SOX6: variants seen among roughly 807,000 people sequenced by gnomAD.
SOX6 encodes the protein transcription factor SOX-6.
A neutral mutation model predicts 97.8 loss-of-function variants in SOX6; 11 were observed. The ratio of observed to expected loss-of-function variants is 0.11; its 90% CI spans 0.07 to 0.19. The LOEUF is 0.19. Ranked by LOEUF, SOX6 falls within the 10% of genes least tolerant of loss-of-function variation. The probability of loss-of-function intolerance (pLI) is 1.00; values close to 1 mark genes in which losing one functional copy is unlikely to be tolerated. For synonymous variants in SOX6, 360 were observed against 371.4 expected, an observed-to-expected ratio of 0.97 and a Z score of 0.35; for missense variants, 810 against 1,039.5, an observed-to-expected ratio of 0.78 and a Z score of 3.04.
chr11:16,738,268 G>A (rs1052256692), intron 1 of SOX6: 1 of 156,030 alleles, frequency 6.4e-6, no homozygotes, highest in Non-Finnish European at 1.4e-5. Flanking sequence ...CTGGGTGGAG[G>A]GTATTCGTGA....
intron 1 of SOX6, among the ~76,000 whole-genome samples, chr11:16,355,861 T>C (rs1038086562): frequency 3.3e-5 from 5 of 152,044 alleles, no homozygotes; most frequent in Admixed American, 2.6e-4. Flanking sequence ...GTATGCATAT[T>C]CAACCCTCAG....
chr11:16,336,656 T>G (rs1160959525), intron 2 of SOX6, among the ~76,000 whole-genome samples: 1 of 152,152 alleles, frequency 6.6e-6, no homozygotes, highest in Admixed American at 6.6e-5. Flanking sequence ...CTCCCTTGCT[T>G]AAAATTTTCC....
In SOX6 at chr11:16,212,798, C is replaced by T. The variant is rs1450487158; in HGVS notation, c.535+21784G>A. ...CTTATTTTTTCTTTAATTTGCATTT[C>T]CCTATTCTTCAGACATCCTCTTCTG... On this transcript the variant is annotated intron_variant, in intron 4 of 15. Transcript: ENST00000683767. 2.0e-5 allele frequency among the ~76,000 whole-genome samples: 3 copies of T among 152,074 alleles called. No homozygotes were observed. The East Asian group carries it at 5.8e-4, about 29-fold the overall frequency.
At chr11:16,024,742 G>A (rs571734804) in intron 12 of SOX6, among the ~76,000 whole-genome samples, 7 of 152,142 alleles carry the variant, frequency 4.6e-5, no homozygotes, top group South Asian at 2.1e-4. Flanking sequence ...AGAACTGTGC[G>A]CTGCAAGCAG....
chr11:16,564,357 G>A (rs139623175), intron 4 of SOX6, among the ~76,000 whole-genome samples: 109 of 152,214 alleles, frequency 7.2e-4, no homozygotes, highest in African/African-American at 2.5e-3. Context: ...AGGGAGGTAA[G>A]GTTCTTACAC....
chr11:16,052,590 T>C (rs1023903366), intron 10 of SOX6, among the ~76,000 whole-genome samples: 2 of 152,180 alleles, frequency 1.3e-5, no homozygotes, highest in African/African-American at 4.8e-5. Flanking sequence ...TTTCTATTGA[T>C]TGATTTTTCT....
chr11:16,522,693 A>T (rs1198568923), intron 4 of SOX6, among the ~76,000 whole-genome samples: 1 of 152,226 alleles, frequency 6.6e-6, no homozygotes, highest in South Asian at 2.1e-4. Flanking sequence ...GGCAAGTTGG[A>T]TAAAGAGTCA....
chr11:16,537,085 C>A (rs1861320892), intron 4 of SOX6, among the ~76,000 whole-genome samples: 1 of 152,174 alleles, frequency 6.6e-6, no homozygotes, highest in East Asian at 1.9e-4. Flanking sequence ...GCAAGTGCCC[C>A]TCTGGGACAA....
At chr11:16,369,707 A>G (rs1379497248) in intron 1 of SOX6, among the ~76,000 whole-genome samples, 1 of 152,190 alleles carries the variant, frequency 6.6e-6, no homozygotes, top group Non-Finnish European at 1.5e-5. Flanking sequence ...TTCATGCCCT[A>G]ACATTCACAG....
chr11:16,338,009 T>C (rs117351529), intron 2 of SOX6, among the ~76,000 whole-genome samples: 8,414 of 152,154 alleles, frequency 0.055, 300 homozygotes, highest in Non-Finnish European at 0.08. Context: ...TCTGTGGTCA[T>C]GACATTTCAA....
intron 4 of SOX6, among the ~76,000 whole-genome samples, chr11:16,533,826 C>T (rs914856573): frequency 5.3e-5 from 8 of 151,854 alleles, no homozygotes; most frequent in Non-Finnish European, 1.2e-4. Flanking sequence ...TTATTTATAA[C>T]CAATAAGATA....
At chr11:16,679,275 C>G (rs945859888) in intron 3 of SOX6, among the ~76,000 whole-genome samples, 2 of 152,188 alleles carry the variant, frequency 1.3e-5, no homozygotes, top group African/African-American at 4.8e-5. Flanking sequence ...AAGGATCAGG[C>G]AGCAATATTT....
At chr11:16,182,746 T>A (rs1851376703) in intron 6 of SOX6, among the ~76,000 whole-genome samples, 2 of 151,774 alleles carry the variant, frequency 1.3e-5, no homozygotes, top group South Asian at 4.1e-4. Flanking sequence ...GCCAATTAGG[T>A]AAAGGGACTG....
At chr11:16,189,764 C>T (rs527856149) in intron 4 of SOX6, among the ~76,000 whole-genome samples, 50 of 152,156 alleles carry the variant, frequency 3.3e-4, no homozygotes, top group Non-Finnish European at 6.3e-4. Context: ...TTCTAACATA[C>T]GTGTAATTGT....
intron 4 of SOX6, among the ~76,000 whole-genome samples, chr11:16,518,818 T>C (rs983152203): frequency 6.6e-6 from 1 of 152,214 alleles, no homozygotes; most frequent in African/African-American, 2.4e-5. Context: ...CTTTAATTTA[T>C]TTTCGAAAAT....
rs115512644 is a variant in SOX6, at chr11:16,242,487, T to C, written c.446-7816A>G. 5.8e-3 allele frequency among the ~76,000 whole-genome samples: 881 copies of C among 152,034 alleles called. 14 individuals carry two copies. Among genetic ancestry groups the C allele is most frequent in the African/African-American group, 0.02 (825 of 41,496 alleles). On this transcript the variant is annotated intron_variant, in intron 3 of 15. Transcript: ENST00000683767. ...GTGACTGTGCTTTGAAACAAACTTC[T>C]TGCTTCATTGAAAGATATACAAAGA...
chr11:16,381,348 C>T (rs1378378213), intron 1 of SOX6, among the ~76,000 whole-genome samples: 1 of 151,834 alleles, frequency 6.6e-6, no homozygotes, highest in East Asian at 1.9e-4. Context: ...TAACTAATCA[C>T]CCAGTTGCAC....
At chr11:16,490,465 C>T (rs936226743) in intron 4 of SOX6, among the ~76,000 whole-genome samples, 1 of 151,886 alleles carries the variant, frequency 6.6e-6, no homozygotes, top group Non-Finnish European at 1.5e-5. Flanking sequence ...TATACTATGC[C>T]TTGATAAAAT....
In SOX6 at chr11:16,321,212, C is replaced by T. The variant is rs145609390; in HGVS notation, c.238-2559G>A. Among the ~76,000 whole-genome samples the T allele has an allele frequency of 6.3e-4, 94 of 148,412 alleles. No individual in the cohort carries two copies. In the East Asian group the frequency reaches 0.019, roughly 30 times the overall value. On this transcript the variant is annotated intron_variant, in intron 2 of 15. Transcript: ENST00000683767. ...AATTAATAATCACCATTTGATCAAT[C>T]ATACTTCAGTTGCTTTTATTTCAGA...
Sources: allele counts gnomAD v4.1 joint callset (sites outside exome capture counted in the v4.1 genomes callset), GRCh38; gene constraint gnomAD v4.1.1; transcripts MANE v1.5; gene names NCBI Gene and HGNC (gene_info 2026-07-23, HGNC 2026-07-21).